DDAH1: variants seen among roughly 807,000 people sequenced by gnomAD.
DDAH1 encodes N(G),N(G)-dimethylarginine dimethylaminohydrolase 1.
In DDAH1, 19 loss-of-function variants were observed where a neutral mutation model predicts 28.8. That is an observed-to-expected ratio of 0.66 (90% CI 0.46 to 0.97). The LOEUF is 0.97. Among genes scored for constraint, DDAH1 ranks in the 50% least tolerant of loss-of-function variants. The probability of loss-of-function intolerance (pLI) is 0.00; values close to 1 mark genes in which losing one functional copy is unlikely to be tolerated. For missense variants in DDAH1, 326 were observed against 375.9 expected (o/e 0.87, Z 1.10); for synonymous variants, 153 against 154.4 (o/e 0.99, Z 0.07).
intron 1 of DDAH1, among the ~76,000 whole-genome samples, chr1:85,562,184 CAG>C (rs1447897548): frequency 6.6e-6 from 1 of 150,672 alleles, no homozygotes; most frequent in Non-Finnish European, 1.5e-5. Flanking sequence ...TAAAAAAAAA[CAG>C]AAAATATGAG....
intron 1 of DDAH1, among the ~76,000 whole-genome samples, chr1:85,430,150 T>C (rs1393006634): frequency 6.6e-6 from 1 of 152,208 alleles, no homozygotes; most frequent in Non-Finnish European, 1.5e-5. Context: ...ATTTATTAAA[T>C]AGGGAATCCT....
At chr1:85,389,869 ATT>A (rs1651460475) in intron 1 of DDAH1, among the ~76,000 whole-genome samples, 1 of 152,218 alleles carries the variant, frequency 6.6e-6, no homozygotes, top group African/African-American at 2.4e-5. Context: ...TGGGCTCACC[ATT>A]AGTAAAATAT....
At chr1:85,468,101 G>A (rs1655449319), upstream of DDAH1, among the ~76,000 whole-genome samples, 2 of 152,222 alleles carry the variant, frequency 1.3e-5, no homozygotes, top group Admixed American at 1.3e-4. Context: ...ATTTTCAAAG[G>A]ACAGTAGGTA....
At chr1:85,479,835 T>A (rs1035120661) in intron 2 of DDAH1, among the ~76,000 whole-genome samples, 1 of 152,158 alleles carries the variant, frequency 6.6e-6, no homozygotes, top group Non-Finnish European at 1.5e-5. Context: ...AGAGTCATGC[T>A]GGGCCAGGCT....
intron 2 of DDAH1, among the ~76,000 whole-genome samples, chr1:85,485,476 A>G (rs1255588820): frequency 1.3e-5 from 2 of 152,186 alleles, no homozygotes; most frequent in African/African-American, 4.8e-5. Context: ...AAATCCTAGC[A>G]TGGGAAAAAT....
intron 1 of DDAH1, among the ~76,000 whole-genome samples, chr1:85,540,229 C>T (rs1658432013): frequency 6.6e-6 from 1 of 152,082 alleles, no homozygotes; most frequent in Admixed American, 6.5e-5. Flanking sequence ...ATTCCCTTTT[C>T]CTTTGACCTG....
At chr1:85,539,478 T>G (rs1233603056) in intron 1 of DDAH1, among the ~76,000 whole-genome samples, 6 of 152,192 alleles carry the variant, frequency 3.9e-5, no homozygotes, top group African/African-American at 1.4e-4. Context: ...CTGGATAATC[T>G]CCATCTGGAG....
intron 1 of DDAH1, among the ~76,000 whole-genome samples, chr1:85,537,959 A>G (rs1459792097): frequency 6.6e-6 from 1 of 152,184 alleles, no homozygotes; most frequent in Admixed American, 6.5e-5. Flanking sequence ...TTCTGCTTTT[A>G]CACTTAAAAC....
intron 1 of DDAH1, among the ~76,000 whole-genome samples, chr1:85,441,357 A>C (rs1654182351): frequency 6.6e-6 from 1 of 152,144 alleles, no homozygotes; most frequent in South Asian, 2.1e-4. Context: ...CCTGGCTAAC[A>C]TGGTGAAACC....
intron 1 of DDAH1, among the ~76,000 whole-genome samples, chr1:85,512,291 A>G (rs1393908716): frequency 6.6e-6 from 1 of 152,226 alleles, no homozygotes; most frequent in Non-Finnish European, 1.5e-5. Flanking sequence ...CTTTGACAAA[A>G]TTCAACAGCC....
rs1655257176 is a variant in DDAH1 at position 85,464,409 on chromosome 1, G to T, written c.303+334C>A. ...CACCCCTCGCGGCCCTCGCTCCCTG[G>T]GAAACACTCAGAGTTGCACTGTCGT... On this transcript the variant is annotated intron_variant, in intron 1 of 5. Transcript: ENST00000284031. The surrounding 1 kb of genome is among the most constrained non-coding windows in gnomAD (Gnocchi z 4.4). The T allele has an allele frequency of 7.7e-7, 1 of 1,295,938 alleles. No individual in the cohort carries two copies. Among genetic ancestry groups the T allele is most frequent in the Non-Finnish European group, 1.0e-6 (1 of 967,918 alleles). 80.3% of individuals were successfully genotyped at this position (1,295,938 alleles called of 1,614,324 possible). A position where few individuals can be genotyped will look rare whatever the true frequency, so the allele number is the denominator to read the frequency against.
chr1:85,525,567 TCACA>T (rs3058870), intron 1 of DDAH1, among the ~76,000 whole-genome samples: 8 of 148,982 alleles, frequency 5.4e-5, no homozygotes, highest in Non-Finnish European at 1.5e-5. Flanking sequence ...AGAATGATAT[TCACA>T]CACACACACA....
intron 1 of DDAH1, among the ~76,000 whole-genome samples, chr1:85,372,575 T>C (rs539976493): frequency 2.6e-4 from 40 of 152,230 alleles, no homozygotes; most frequent in Middle Eastern, 3.4e-3. Flanking sequence ...CTTGCCATTA[T>C]AGTTTTTTTC....
rs189475255 is a variant in DDAH1 at position 85,390,790 on chromosome 1, A to G, written c.304-31943T>C. Among the ~76,000 whole-genome samples the G allele has an allele frequency of 2.3e-3, 355 of 152,214 alleles. 1 individual carries two copies. Among genetic ancestry groups the G allele is most frequent in the African/African-American group, 7.9e-3 (327 of 41,526 alleles). ...ATCCTTAATTTCTAAACATCTGACAACTCTGCCTTCCAGTATGCCTGCCTT... is the reference window on the plus strand; with the variant it reads ...ATCCTTAATTTCTAAACATCTGACAGCTCTGCCTTCCAGTATGCCTGCCTT... On this transcript the variant is annotated intron_variant, in intron 1 of 5. Coordinates refer to ENST00000284031, the MANE Select transcript of DDAH1 (RefSeq NM_012137.4).
At chr1:85,570,197 T>C (rs1302778444) in intron 1 of DDAH1, among the ~76,000 whole-genome samples, 5 of 152,190 alleles carry the variant, frequency 3.3e-5, no homozygotes, top group African/African-American at 7.2e-5. Context: ...GTGTACCCTC[T>C]GACCCCTGCA....
intron 1 of DDAH1, among the ~76,000 whole-genome samples, chr1:85,420,877 G>C (rs1190945768): frequency 6.6e-6 from 1 of 152,136 alleles, no homozygotes; most frequent in Non-Finnish European, 1.5e-5. Context: ...TCTGAAACTG[G>C]GTAATTTATA....
At chr1:85,556,783 T>C (rs527380010) in intron 1 of DDAH1, among the ~76,000 whole-genome samples, 38 of 152,360 alleles carry the variant, frequency 2.5e-4, no homozygotes, top group Admixed American at 7.2e-4. Context: ...GACTGTTCAG[T>C]ATCCCTTAGA....
chr1:85,362,108 T>A (rs1649827757), intron 1 of DDAH1, among the ~76,000 whole-genome samples: 2 of 152,150 alleles, frequency 1.3e-5, no homozygotes, highest in African/African-American at 4.8e-5. Flanking sequence ...TTCCTGTGAA[T>A]TAAAATTATA....
At position 85,324,859 on chromosome 1, in the gene DDAH1, G is replaced by T. The variant is rs377746010; in HGVS notation, c.622C>A (p.Arg208Ser). 2.5e-6 allele frequency: 4 copies of T among 1,614,042 alleles called. No individual in the cohort carries two copies. In the Admixed American group the frequency reaches 6.7e-5, roughly 27 times the overall value. ...TCAGGCACAGTGAGTTTGTCGTAGCGGTGGTCACTCATCTGTTGCATGATC... is the reference window on the plus strand; with the variant it reads ...TCAGGCACAGTGAGTTTGTCGTAGCTGTGGTCACTCATCTGTTGCATGATC... ...LKIMQQMSDHRYDKLTVPDDI... is the reference protein window; with the variant it reads ...LKIMQQMSDHSYDKLTVPDDI... Residue 208 changes from arginine to serine, a missense_variant, in exon 5 of 6, where the codon CGC becomes AGC. Coordinates refer to ENST00000284031, the MANE Select transcript of DDAH1 (RefSeq NM_012137.4).
Sources: allele counts gnomAD v4.1 joint callset (sites outside exome capture counted in the v4.1 genomes callset), GRCh38; gene constraint gnomAD v4.1.1; non-coding constraint Gnocchi (gnomAD v3.1); transcripts MANE v1.5; gene names NCBI Gene and HGNC (gene_info 2026-07-23, HGNC 2026-07-21).